INPP5F: variants seen among roughly 807,000 people sequenced by gnomAD.
The protein encoded by INPP5F is inositol polyphosphate-5-phosphatase F, also known as phosphatidylinositide 4-phosphatase SAC2.
INPP5F carries 97 observed loss-of-function variants against 137.2 expected under a neutral mutation model. The ratio of observed to expected loss-of-function variants is 0.71; its 90% CI spans 0.60 to 0.84. INPP5F has a LOEUF of 0.84. Among genes scored for constraint, INPP5F ranks in the 40% least tolerant of loss-of-function variants. The probability of loss-of-function intolerance (pLI) is 0.00; values close to 1 mark genes in which losing one functional copy is unlikely to be tolerated. For synonymous variants in INPP5F, 504 were observed against 476.9 expected, an observed-to-expected ratio of 1.06 and a Z score of -0.74; for missense variants, 1,271 against 1,371.9, an observed-to-expected ratio of 0.93 and a Z score of 1.16.
At chr10:119,749,177 G>A (rs1176387795) in intron 1 of INPP5F, among the ~76,000 whole-genome samples, 1 of 152,246 alleles carries the variant, frequency 6.6e-6, no homozygotes, top group Non-Finnish European at 1.5e-5. Flanking sequence ...GAGCCTGTGG[G>A]GAAAGAGGGT....
intron 3 of INPP5F, among the ~76,000 whole-genome samples, chr10:119,785,831 C>T (rs924449197): frequency 2.6e-5 from 4 of 151,994 alleles, no homozygotes; most frequent in Non-Finnish European, 5.9e-5. Flanking sequence ...AGCACTCTAG[C>T]CTAGATGGTG....
chr10:119,793,542 AAAG>A (rs796888038), intron 6 of INPP5F: 1 of 152,060 alleles, frequency 6.6e-6, no homozygotes, highest in South Asian at 2.1e-4. Context: ...GAGAAAGGAC[AAAG>A]AAGAACTCTC....
chr10:119,732,500 C>CTTTTTTTTTTTTTTTTTTTTTTTTTT (rs59388357), intron 1 of INPP5F, among the ~76,000 whole-genome samples: 5 of 115,566 alleles, frequency 4.3e-5, no homozygotes, highest in South Asian at 3.0e-4. Context: ...TTTCTTTTTT[C>CTTTTTTTTTTTTTTTTTTTTTTTTTT]TTTTTTTTTT....
At chr10:119,751,366 T>C (rs1848685465) in intron 2 of INPP5F, among the ~76,000 whole-genome samples, 1 of 152,194 alleles carries the variant, frequency 6.6e-6, no homozygotes, top group Non-Finnish European at 1.5e-5. Context: ...CAAAGAGTAA[T>C]CATGGAAATA....
chr10:119,746,763 C>T (rs992946193), intron 1 of INPP5F, among the ~76,000 whole-genome samples: 5 of 151,278 alleles, frequency 3.3e-5, no homozygotes, highest in African/African-American at 1.2e-4. Context: ...TAGAAGATGA[C>T]ATGACATATA....
Position 119,827,741 on chromosome 10 carries a change from G to T in INPP5F, c.3360G>T (p.Lys1120Asn), listed in dbSNP as rs1189957415. Residue 1120 changes from lysine to asparagine, a missense_variant, in exon 20 of 20, where the codon AAG becomes AAT. Transcript: ENST00000650623. ...AAGTCCAGCAAAATGAACTTAAAAAGATGTTTATACAATGCCAGACACGGA... is the reference window on the plus strand; with the variant it reads ...AAGTCCAGCAAAATGAACTTAAAAATATGTTTATACAATGCCAGACACGGA... ...INQVQQNELK[K>N]MFIQCQTRII... The T allele has an allele frequency of 6.2e-7, 1 of 1,613,434 alleles. No homozygotes were observed. Among genetic ancestry groups the T allele is most frequent in the South Asian group, 1.1e-5 (1 of 90,966 alleles).
In INPP5F at chr10:119,787,024, G is replaced by C. The variant is rs796726199; in HGVS notation, c.316-4493G>C. Among the ~76,000 whole-genome samples the C allele has an allele frequency of 9.9e-5, 15 of 152,036 alleles. No individual in the cohort carries two copies. The highest frequency in any genetic ancestry group is 3.6e-4 in the African/African-American group (15 of 41,464). On this transcript the variant is annotated intron_variant, in intron 3 of 19. Transcript: ENST00000650623. The surrounding 1 kb of genome is among the most constrained non-coding windows in gnomAD (Gnocchi z 4.1). ...CCTGTATTTTCTACCCTCTAAAGTG[G>C]TTCTGGAGCATTACCCCACGATAAA...
intron 11 of INPP5F, 127 bp downstream of exon 11, chr10:119,805,588 ATTC>A: frequency 1.5e-6 from 1 of 672,464 alleles, no homozygotes. Flanking sequence ...CCCAGTTCCT[ATTC>A]TTTTCAAGAG....
intron 19 of INPP5F, among the ~76,000 whole-genome samples, chr10:119,825,364 A>G (rs1851716441): frequency 6.6e-6 from 1 of 152,170 alleles, no homozygotes; most frequent in East Asian, 1.9e-4. Context: ...AACTCTGAAG[A>G]CCCAGAGTTT....
In INPP5F at chr10:119,751,081, G is replaced by C. The variant is rs1337971581; in HGVS notation, c.103G>C (p.Asp35His). ...DGGLQLRPAT[D>H]LLLAWNPICL... ...TGCTTCCTATTTTATTTTAGCTACT[G>C]ATCTACTTCTTGCCTGGAATCCCAT... The change falls in exon 2 of 20, where the codon GAT (aspartate) becomes CAT (histidine). Residue 35 changes from aspartate to histidine, a missense_variant. Transcript: ENST00000650623. 6.3e-7 allele frequency: 1 copy of C among 1,599,618 alleles called. No individual in the cohort carries two copies.
At chr10:119,746,942 A>G (rs1199198064) in intron 1 of INPP5F, among the ~76,000 whole-genome samples, 1 of 151,714 alleles carries the variant, frequency 6.6e-6, no homozygotes, top group Admixed American at 6.6e-5. Context: ...GCGTGTGCCA[A>G]CACGTTCAGC....
intron 2 of INPP5F, among the ~76,000 whole-genome samples, chr10:119,770,304 G>A (rs1849300004): frequency 6.6e-6 from 1 of 152,192 alleles, no homozygotes; most frequent in African/African-American, 2.4e-5. Flanking sequence ...GTTATACTGT[G>A]TATATCCTGA....
intron 2 of INPP5F, among the ~76,000 whole-genome samples, chr10:119,769,661 C>T (rs1849279432): frequency 6.6e-6 from 1 of 152,130 alleles, no homozygotes; most frequent in Non-Finnish European, 1.5e-5. Flanking sequence ...GTGTTTGAGC[C>T]AGGGCATCCA....
intron 1 of INPP5F, among the ~76,000 whole-genome samples, chr10:119,730,505 G>A (rs1427074360): frequency 1.3e-5 from 2 of 152,212 alleles, no homozygotes; most frequent in Non-Finnish European, 2.9e-5. Flanking sequence ...GATAAGAATT[G>A]TAATTTGAAG....
chr10:119,737,438 A>G (rs1445452587), intron 1 of INPP5F, among the ~76,000 whole-genome samples: 1 of 152,204 alleles, frequency 6.6e-6, no homozygotes, highest in African/African-American at 2.4e-5. Flanking sequence ...GGGGAGATTT[A>G]AAGAATACCT....
chr10:119,793,099 A>AG (rs1850205974), intron 6 of INPP5F, among the ~76,000 whole-genome samples: 1 of 152,216 alleles, frequency 6.6e-6, no homozygotes, highest in Admixed American at 6.5e-5. Flanking sequence ...GGAGAAAAGC[A>AG]GGGGCATCTG....
At chr10:119,771,958 C>T (rs1324780481) in intron 2 of INPP5F, among the ~76,000 whole-genome samples, 6 of 125,962 alleles carry the variant, frequency 4.8e-5, no homozygotes, top group African/African-American at 1.2e-4. Context: ...TGCAGTGGCG[C>T]GATCTCGGCT....
intron 2 of INPP5F, among the ~76,000 whole-genome samples, chr10:119,780,712 G>T (rs1849672711): frequency 6.6e-6 from 1 of 152,184 alleles, no homozygotes; most frequent in South Asian, 2.1e-4. Context: ...AAAGATGGTT[G>T]CATCTGTACT....
intron 19 of INPP5F, among the ~76,000 whole-genome samples, chr10:119,826,364 A>G (rs529581077): frequency 6.6e-6 from 1 of 152,242 alleles, no homozygotes; most frequent in African/African-American, 2.4e-5. Flanking sequence ...AATATTTTGT[A>G]TATATTGGGT....
Sources: allele counts gnomAD v4.1 joint callset (sites outside exome capture counted in the v4.1 genomes callset), GRCh38; gene constraint gnomAD v4.1.1; non-coding constraint Gnocchi (gnomAD v3.1); transcripts MANE v1.5; gene names NCBI Gene and HGNC (gene_info 2026-07-23, HGNC 2026-07-21).